Variants in SERINC5 observed in about 807,000 individuals in gnomAD.
The protein encoded by SERINC5 is serine incorporator 5, also known as chromosome 5 open reading frame 12.
In SERINC5, 41 loss-of-function variants were observed where a neutral mutation model predicts 63.1. That is an observed-to-expected ratio of 0.65 (90% CI 0.51 to 0.84). The LOEUF (loss-of-function observed/expected upper bound fraction) is 0.84, where lower values mean the gene tolerates loss of function less well. SERINC5 is among the 40% of genes least tolerant of loss of function. The pLI, the probability that SERINC5 is intolerant of heterozygous loss-of-function variation, is 0.00. For synonymous variants in SERINC5, 222 were observed against 215.2 expected, an observed-to-expected ratio of 1.03 and a Z score of -0.28; for missense variants, 523 against 573.0, an observed-to-expected ratio of 0.91 and a Z score of 0.89.
At chr5:80,250,742 GA>G (rs1752374124) in intron 1 of SERINC5, among the ~76,000 whole-genome samples, 1 of 152,190 alleles carries the variant, frequency 6.6e-6, no homozygotes, top group African/African-American at 2.4e-5. Flanking sequence ...CAGTTGCCCT[GA>G]TAAGACCCCT....
intron 1 of SERINC5, among the ~76,000 whole-genome samples, chr5:80,226,730 A>AT (rs1277157467): frequency 2.0e-5 from 3 of 152,086 alleles, no homozygotes; most frequent in Non-Finnish European, 2.9e-5. Context: ...ACTAATAATA[A>AT]TTTTTTTAAA....
intron 1 of SERINC5, among the ~76,000 whole-genome samples, chr5:80,250,965 C>CA (rs1172602071): frequency 3.3e-5 from 2 of 61,240 alleles, no homozygotes; most frequent in Non-Finnish European, 8.0e-5. Flanking sequence ...ACTGAATAAA[C>CA]GTGTTTTTAC....
chr5:80,216,895 C>T (rs1046284501), intron 1 of SERINC5, among the ~76,000 whole-genome samples: 4 of 151,774 alleles, frequency 2.6e-5, no homozygotes, highest in Non-Finnish European at 5.9e-5. Flanking sequence ...CCTGTAGTCC[C>T]GGCTACTTGG....
intron 1 of SERINC5, among the ~76,000 whole-genome samples, chr5:80,223,435 T>G (rs1003058904): frequency 2.6e-5 from 4 of 152,146 alleles, no homozygotes; most frequent in African/African-American, 7.2e-5. Flanking sequence ...TATTGTTTTG[T>G]TTTTTTCCCC....
At chr5:80,254,206 G>T (rs1219622763) in intron 1 of SERINC5, among the ~76,000 whole-genome samples, 2 of 149,868 alleles carry the variant, frequency 1.3e-5, no homozygotes, top group African/African-American at 4.9e-5. Flanking sequence ...TTACAGGCAT[G>T]AGCCACTGCG....
chr5:80,175,717 C>T (rs58536081), intron 4 of SERINC5, among the ~76,000 whole-genome samples: 36,541 of 151,002 alleles, frequency 0.24, 5,940 homozygotes, highest in African/African-American at 0.47. Context: ...TAAAAAAAAA[C>T]TCCAGGCATA....
chr5:80,159,473 T>C (rs1242542721), intron 7 of SERINC5, among the ~76,000 whole-genome samples: 2 of 152,132 alleles, frequency 1.3e-5, no homozygotes, highest in Non-Finnish European at 2.9e-5. Context: ...TGTGATATTG[T>C]GAAATATATA....
intron 1 of SERINC5, among the ~76,000 whole-genome samples, chr5:80,220,986 G>A (rs374150571): frequency 1.3e-5 from 2 of 152,108 alleles, no homozygotes; most frequent in East Asian, 3.9e-4. Flanking sequence ...CCCCCCAAGA[G>A]TGGAGGAAGC....
chr5:80,200,869 A>C (rs912685725), intron 2 of SERINC5, among the ~76,000 whole-genome samples: 1 of 151,764 alleles, frequency 6.6e-6, no homozygotes, highest in Non-Finnish European at 1.5e-5. Context: ...TGAGGCGGGC[A>C]GATCACTTGA....
At chr5:80,255,789 C>A (rs1752647671) in intron 1 of SERINC5, 107 bp downstream of exon 1, 2 of 1,219,842 alleles carry the variant, frequency 1.6e-6, no homozygotes, top group Admixed American at 2.1e-5. Flanking sequence ...CCGGGCCCTA[C>A]GTTCGGCCGC....
rs1215124368 is a variant in SERINC5 at position 80,140,962 on chromosome 5, A to G, written c.*2701T>C. ...TTAAAAGATATCAGTGAGTTAATCA[A>G]ATTAACACCGTTGTTATAGGAACTC... On this transcript the variant is annotated 3_prime_UTR_variant, in exon 12 of 12. Coordinates refer to ENST00000507668, the MANE Select transcript of SERINC5 (RefSeq NM_001174072.3). 1.0e-6 allele frequency: 1 copy of G among 985,300 alleles called. No homozygotes were observed. Among genetic ancestry groups the G allele is most frequent in the Non-Finnish European group, 1.2e-6 (1 of 829,904 alleles). The allele number at this position is 985,300 out of a possible 1,614,324, so 61.0% of individuals were successfully genotyped here. A position where few individuals can be genotyped will look rare whatever the true frequency, so the allele number is the denominator to read the frequency against.
At chr5:80,213,892 A>T (rs373438108) in intron 1 of SERINC5, among the ~76,000 whole-genome samples, 18 of 152,214 alleles carry the variant, frequency 1.2e-4, no homozygotes, top group African/African-American at 3.9e-4. Flanking sequence ...TGCTTTGTCA[A>T]TTCCTGGGAA....
chr5:80,195,868 T>A (rs1201104222), intron 2 of SERINC5, among the ~76,000 whole-genome samples: 2 of 152,170 alleles, frequency 1.3e-5, no homozygotes, highest in African/African-American at 4.8e-5. Flanking sequence ...CCCCAGAATT[T>A]AGAAATAGGG....
intron 5 of SERINC5, among the ~76,000 whole-genome samples, chr5:80,170,360 T>C (rs1747570286): frequency 6.6e-6 from 1 of 152,118 alleles, no homozygotes; most frequent in Non-Finnish European, 1.5e-5. Context: ...AGAATTTACT[T>C]ATGAGCAATT....
In SERINC5 at chr5:80,143,827, C is replaced by T. The variant is rs1745657945; in HGVS notation, c.1239-17G>A. 2.6e-6 allele frequency: 4 copies of T among 1,535,570 alleles called. No homozygotes were observed. The South Asian group carries it at 3.6e-5, about 14-fold the overall frequency. On this transcript the variant is annotated splice_polypyrimidine_tract_variant and intron_variant, in intron 11 of 11. Coordinates refer to ENST00000507668, the MANE Select transcript of SERINC5 (RefSeq NM_001174072.3). ...CTTTCGTAGCTGTGGAAACAAGACA[C>T]CTAGCCGCGGTCAAAGCAGGAATAT...
intron 7 of SERINC5, among the ~76,000 whole-genome samples, chr5:80,164,778 ATCTT>A (rs1163090786): frequency 6.6e-6 from 1 of 151,886 alleles, no homozygotes; most frequent in Non-Finnish European, 1.5e-5. Context: ...TTAATTTGTA[ATCTT>A]TCTGCTTTTT....
At chr5:80,155,591 AGAAG>A (rs1002256837) in intron 8 of SERINC5, among the ~76,000 whole-genome samples, 7 of 150,818 alleles carry the variant, frequency 4.6e-5, no homozygotes, top group African/African-American at 1.7e-4. Context: ...AAAGGAAGAA[AGAAG>A]GAGAGAGAGA....
chr5:80,126,133 G>A (rs1561350011), intron 11 of SERINC5, among the ~76,000 whole-genome samples: 1 of 152,188 alleles, frequency 6.6e-6, no homozygotes, highest in Non-Finnish European at 1.5e-5. Flanking sequence ...AAGTCAAAAC[G>A]AGAGGAGAAG....
intron 8 of SERINC5, among the ~76,000 whole-genome samples, chr5:80,153,798 T>C (rs1172769614): frequency 1.4e-5 from 2 of 148,012 alleles, no homozygotes; most frequent in Admixed American, 1.4e-4. Flanking sequence ...TCTGCAGTCA[T>C]GGTGACAGCC....
Sources: allele counts gnomAD v4.1 joint callset (sites outside exome capture counted in the v4.1 genomes callset), GRCh38; gene constraint gnomAD v4.1.1; transcripts MANE v1.5; gene names NCBI Gene and HGNC (gene_info 2026-07-23, HGNC 2026-07-21).